IQCM: variants seen among roughly 807,000 people sequenced by gnomAD.
The protein encoded by IQCM is IQ motif containing M, also known as IQ domain-containing protein M.
A neutral mutation model predicts 57.6 loss-of-function variants in IQCM; 45 were observed. The observed-to-expected ratio is 0.78, with a 90% CI of 0.62 to 1.00. The LOEUF (loss-of-function observed/expected upper bound fraction) is 1.00. Ranked by LOEUF, IQCM falls within the 50% of genes least tolerant of loss-of-function variation. The pLI is 0.00. For missense variants in IQCM, 468 were observed against 511.6 expected, an observed-to-expected ratio of 0.91 and a Z score of 0.82; for synonymous variants, 148 against 158.9, an observed-to-expected ratio of 0.93 and a Z score of 0.51.
intron 13 of IQCM, among the ~76,000 whole-genome samples, chr4:149,402,680 A>G (rs1186760605): frequency 6.6e-6 from 1 of 151,878 alleles, no homozygotes; most frequent in African/African-American, 2.4e-5. Context: ...TTGTGTAACA[A>G]TGCTTTACTA....
chr4:149,734,958 A>G (rs1393524576), intron 4 of IQCM, among the ~76,000 whole-genome samples: 4 of 152,202 alleles, frequency 2.6e-5, no homozygotes, highest in African/African-American at 9.6e-5. Context: ...TTTAATGCAA[A>G]AAGATACATG....
At chr4:149,416,708 G>A (rs181042569) in intron 13 of IQCM, among the ~76,000 whole-genome samples, 1 of 152,164 alleles carries the variant, frequency 6.6e-6, no homozygotes, top group African/African-American at 2.4e-5. Flanking sequence ...ATTGATTAGA[G>A]GAGATTTCAG....
intron 7 of IQCM, among the ~76,000 whole-genome samples, chr4:149,653,484 A>T (rs1023333764): frequency 4.0e-5 from 6 of 148,896 alleles, no homozygotes; most frequent in African/African-American, 9.8e-5. Context: ...TGCACATTTT[A>T]TATATATATA....
chr4:149,670,836 C>T (rs1007225817), intron 7 of IQCM, among the ~76,000 whole-genome samples: 1 of 152,054 alleles, frequency 6.6e-6, no homozygotes, highest in Non-Finnish European at 1.5e-5. Flanking sequence ...CCAATTCTAT[C>T]ATGGTGGATA....
At chr4:149,427,901 T>C (rs1734571006) in intron 13 of IQCM, among the ~76,000 whole-genome samples, 2 of 151,864 alleles carry the variant, frequency 1.3e-5, no homozygotes, top group Non-Finnish European at 2.9e-5. Flanking sequence ...ACTTTTCAAG[T>C]CCTATTTGGC....
chr4:149,540,621 C>T (rs1747757750), intron 12 of IQCM, among the ~76,000 whole-genome samples: 1 of 152,082 alleles, frequency 6.6e-6, no homozygotes, highest in South Asian at 2.1e-4. Context: ...AAAAGTAAGT[C>T]TTAAACAGTG....
chr4:149,488,236 C>A (rs1205904522), intron 12 of IQCM, among the ~76,000 whole-genome samples: 1 of 151,952 alleles, frequency 6.6e-6, no homozygotes, highest in Non-Finnish European at 1.5e-5. Context: ...CTATTACAAA[C>A]AAAAACATTC....
chr4:149,619,106 G>GATATA (rs1561067198), intron 8 of IQCM, among the ~76,000 whole-genome samples: 1 of 60,788 alleles, frequency 1.6e-5, no homozygotes, highest in Non-Finnish European at 3.1e-5. Context: ...AATGTGGGAT[G>GATATA]GATATATATA....
intron 2 of IQCM, among the ~76,000 whole-genome samples, chr4:149,806,423 A>G (rs1250515881): frequency 6.6e-6 from 1 of 151,906 alleles, no homozygotes; most frequent in Non-Finnish European, 1.5e-5. Context: ...ACCAGAACTT[A>G]TTTCTCCTAT....
chr4:149,484,499 T>C lies in IQCM; in HGVS notation c.1229-50942A>G, dbSNP rs1036002726. 2.6e-5 allele frequency among the ~76,000 whole-genome samples: 4 copies of C among 152,006 alleles called. 1 individual carries two copies. Among genetic ancestry groups the C allele is most frequent in the Non-Finnish European group, 4.4e-5 (3 of 67,906 alleles). On this transcript the variant is annotated intron_variant, in intron 12 of 13. Coordinates refer to ENST00000636793, the MANE Select transcript of IQCM (RefSeq NM_001363507.2). The stretch of plus-strand genomic sequence containing the variant: ...TTCAATTTTAGGTTACCAGAGGCCA[T>C]GCAAATACTCTCTTATAACCCATTA...
At chr4:149,385,731 A>C (rs1731379648) in intron 13 of IQCM, among the ~76,000 whole-genome samples, 1 of 152,068 alleles carries the variant, frequency 6.6e-6, no homozygotes, top group African/African-American at 2.4e-5. Context: ...AACCACTGCC[A>C]AGTATTTTCC....
chr4:149,530,440 T>C (rs1010755705), intron 12 of IQCM, among the ~76,000 whole-genome samples: 1 of 152,056 alleles, frequency 6.6e-6, no homozygotes, highest in African/African-American at 2.4e-5. Flanking sequence ...TATGTATCTA[T>C]GGGAACAACC....
At chr4:149,782,218 T>C (rs1238849891) in intron 2 of IQCM, among the ~76,000 whole-genome samples, 1 of 151,998 alleles carries the variant, frequency 6.6e-6, no homozygotes, top group Non-Finnish European at 1.5e-5. Flanking sequence ...TACATCCTAC[T>C]CTTACTACTA....
chr4:149,592,164 G>C (rs1487868288), intron 8 of IQCM, among the ~76,000 whole-genome samples: 1 of 152,140 alleles, frequency 6.6e-6, no homozygotes, highest in African/African-American at 2.4e-5. Flanking sequence ...GTGTCAGATG[G>C]TATCTCATTG....
intron 13 of IQCM, among the ~76,000 whole-genome samples, chr4:149,400,203 G>GTTT (rs34266425): frequency 7.0e-6 from 1 of 142,956 alleles, no homozygotes; most frequent in Non-Finnish European, 1.5e-5. Flanking sequence ...TCAGGAATAG[G>GTTT]TTTTTTTTTT....
Position 149,383,335 on chromosome 4 carries a change from A to G in IQCM, c.1391-31269T>C, listed in dbSNP as rs190313031. ...TAGTCATTAAATCATGTTTGAAATC[A>G]TAAGTAAAAAACGAATACCTTAATG... On this transcript the variant is annotated intron_variant, in intron 13 of 13. Transcript: ENST00000636793. Among the ~76,000 whole-genome samples the G allele has an allele frequency of 1.3e-3, 194 of 152,308 alleles. 2 individuals carry two copies. In the East Asian group the frequency reaches 0.031, roughly 24 times the overall value.
chr4:149,375,009 T>TGC (rs55772693), intron 13 of IQCM, among the ~76,000 whole-genome samples: 1 of 151,102 alleles, frequency 6.6e-6, no homozygotes. Context: ...TGTGTGTGTG[T>TGC]GATGTTCTTT....
At chr4:149,485,552 T>C (rs377701050) in intron 12 of IQCM, among the ~76,000 whole-genome samples, 10 of 151,844 alleles carry the variant, frequency 6.6e-5, no homozygotes, top group African/African-American at 2.2e-4. Context: ...CTAGAATTTG[T>C]TTGATTCTTT....
At chr4:149,615,566 A>G (rs1307831410) in intron 8 of IQCM, among the ~76,000 whole-genome samples, 1 of 152,200 alleles carries the variant, frequency 6.6e-6, no homozygotes, top group Non-Finnish European at 1.5e-5. Flanking sequence ...AAGCATAAAG[A>G]CATATAGCAC....
Sources: allele counts gnomAD v4.1 joint callset (sites outside exome capture counted in the v4.1 genomes callset), GRCh38; gene constraint gnomAD v4.1.1; transcripts MANE v1.5; gene names NCBI Gene and HGNC (gene_info 2026-07-23, HGNC 2026-07-21).